Variants in GPR39 observed in about 807,000 individuals in gnomAD.
GPR39 encodes the protein zinc sensing receptor.
In GPR39, 23 loss-of-function variants were observed where a neutral mutation model predicts 18.4. The ratio of observed to expected loss-of-function variants is 1.25; its 90% CI spans 0.90 to 1.77. The LOEUF is 1.77. GPR39 is among the 40% of genes most tolerant of loss of function. The pLI is 0.00. For synonymous variants in GPR39, 280 were observed against 257.9 expected (o/e 1.09, Z -0.82); for missense variants, 647 against 602.4 (o/e 1.07, Z -0.78).
Position 132,454,158 on chromosome 2 carries a change from G to A in GPR39, c.856+36260G>A, listed in dbSNP as rs149058287. 9.6e-3 allele frequency among the ~76,000 whole-genome samples: 1,453 copies of A among 152,122 alleles called. 13 individuals carry two copies. The highest frequency in any genetic ancestry group is 0.034 in the Middle Eastern group (10 of 294). Reference sequence around the variant, plus strand: ...TGTTTGTGTCCTCTTTTATTTTGTTGAGCTGTGCTTTGTAGTTCTCCTTGA... The same window carrying A: ...TGTTTGTGTCCTCTTTTATTTTGTTAAGCTGTGCTTTGTAGTTCTCCTTGA... On this transcript the variant is annotated intron_variant, in intron 1 of 1. Coordinates refer to ENST00000329321, the MANE Select transcript of GPR39 (RefSeq NM_001508.3).
At chr2:132,436,650 A>G (rs113824970) in intron 1 of GPR39, among the ~76,000 whole-genome samples, 1,609 of 152,256 alleles carry the variant, frequency 0.011, 35 homozygotes, top group African/African-American at 0.036. Context: ...AGAGGTGGGT[A>G]GTATTTGTGA....
chr2:132,533,989 G>A (rs538253601), intron 1 of GPR39, among the ~76,000 whole-genome samples: 225 of 152,256 alleles, frequency 1.5e-3, no homozygotes, highest in Non-Finnish European at 1.5e-3. Context: ...AAAATTGACA[G>A]ATGGGATCTA....
chr2:132,421,514 A>G (rs576116338), intron 1 of GPR39, among the ~76,000 whole-genome samples: 25 of 152,186 alleles, frequency 1.6e-4, no homozygotes, highest in Non-Finnish European at 3.1e-4. Context: ...CTCTAGAATA[A>G]TTACACTCTT....
At chr2:132,624,205 C>T (rs1009801188) in intron 1 of GPR39, among the ~76,000 whole-genome samples, 3 of 152,154 alleles carry the variant, frequency 2.0e-5, no homozygotes, top group Non-Finnish European at 4.4e-5. Flanking sequence ...CCCTCTTCTC[C>T]CTGTGTCTTT....
intron 1 of GPR39, among the ~76,000 whole-genome samples, chr2:132,492,793 CATATATACCAT>C (rs1469291244): frequency 4.6e-4 from 4 of 8,632 alleles, no homozygotes; most frequent in Non-Finnish European, 6.8e-4. Flanking sequence ...ATATATATAC[CATATATACCAT>C]ATATATACAT....
chr2:132,573,178 C>T (rs1680472326), intron 1 of GPR39, among the ~76,000 whole-genome samples: 1 of 152,148 alleles, frequency 6.6e-6, no homozygotes, highest in African/African-American at 2.4e-5. Context: ...CCAGATGTTT[C>T]CACAAGTTTC....
chr2:132,492,791 AC>A, intron 1 of GPR39, among the ~76,000 whole-genome samples: 1 of 2,276 alleles, frequency 4.4e-4, no homozygotes, highest in Non-Finnish European at 8.8e-3. Flanking sequence ...CCATATATAT[AC>A]CATATATACC....
intron 1 of GPR39, among the ~76,000 whole-genome samples, chr2:132,564,308 C>G (rs916123148): frequency 2.0e-5 from 3 of 152,160 alleles, no homozygotes; most frequent in African/African-American, 4.8e-5. Context: ...CTTTGTGGCC[C>G]CTGTGGCCTT....
intron 1 of GPR39, among the ~76,000 whole-genome samples, chr2:132,601,533 G>A (rs769562237): frequency 1.3e-5 from 2 of 152,000 alleles, no homozygotes; most frequent in African/African-American, 2.4e-5. Flanking sequence ...AGACAAGGAT[G>A]CCCACTTGTA....
chr2:132,506,348 A>G (rs1316138507), intron 1 of GPR39, among the ~76,000 whole-genome samples: 1 of 151,792 alleles, frequency 6.6e-6, no homozygotes, highest in Middle Eastern at 3.2e-3. Flanking sequence ...TTTCCATTCA[A>G]CAGGTTGTCT....
At chr2:132,506,855 T>C (rs1679143725) in intron 1 of GPR39, among the ~76,000 whole-genome samples, 1 of 136,448 alleles carries the variant, frequency 7.3e-6, no homozygotes, top group African/African-American at 2.7e-5. Context: ...ACCAATGTCC[T>C]AAAGTGTTTC....
At chr2:132,491,737 A>G (rs1373221524) in intron 1 of GPR39, among the ~76,000 whole-genome samples, 1 of 151,840 alleles carries the variant, frequency 6.6e-6, no homozygotes, top group Non-Finnish European at 1.5e-5. Context: ...AAGCAGTGGT[A>G]TTGTGTGAGC....
At chr2:132,599,635 T>G (rs1361949855) in intron 1 of GPR39, among the ~76,000 whole-genome samples, 1 of 152,020 alleles carries the variant, frequency 6.6e-6, no homozygotes, top group Non-Finnish European at 1.5e-5. Context: ...ATGAATGAGT[T>G]AATTATTGAT....
intron 1 of GPR39, among the ~76,000 whole-genome samples, chr2:132,551,328 A>C (rs1405510971): frequency 6.6e-6 from 1 of 152,214 alleles, no homozygotes; most frequent in Admixed American, 6.5e-5. Flanking sequence ...TTCTGTTTAG[A>C]TCTCACTAGC....
intron 1 of GPR39, among the ~76,000 whole-genome samples, chr2:132,426,563 A>G (rs1335830635): frequency 6.6e-6 from 1 of 152,196 alleles, no homozygotes; most frequent in Non-Finnish European, 1.5e-5. Flanking sequence ...AGATGGAAAA[A>G]GTGTGTCAGG....
intron 1 of GPR39, among the ~76,000 whole-genome samples, chr2:132,631,843 G>T (rs1681655477): frequency 1.4e-5 from 2 of 144,300 alleles, no homozygotes; most frequent in Admixed American, 7.0e-5. Flanking sequence ...TTTTTTCTGA[G>T]ACTGATTCTC....
chr2:132,441,854 T>C (rs554559543), intron 1 of GPR39, among the ~76,000 whole-genome samples: 10 of 152,232 alleles, frequency 6.6e-5, no homozygotes, highest in Non-Finnish European at 1.5e-4. Flanking sequence ...CTTAATCCGC[T>C]CTTCACGCAG....
At position 132,646,150 on chromosome 2, in the gene GPR39, G is replaced by A. The variant is rs997017984; in HGVS notation, c.*544G>A. On this transcript the variant is annotated 3_prime_UTR_variant, in exon 2 of 2. Coordinates refer to ENST00000329321, the MANE Select transcript of GPR39 (RefSeq NM_001508.3). ...TTCCCCTTTTCTTGGGCCTTGGCCC[G>A]TTACAAAGAGGGGTGTTGCAGCAGC... 5.6e-6 allele frequency: 9 copies of A among 1,611,794 alleles called. No individual in the cohort carries two copies. In the East Asian group the frequency reaches 6.7e-5, roughly 12 times the overall value.
At chr2:132,626,680 G>GA (rs1681549868) in intron 1 of GPR39, among the ~76,000 whole-genome samples, 1 of 152,120 alleles carries the variant, frequency 6.6e-6, no homozygotes, top group African/African-American at 2.4e-5. Context: ...TGGGCAAAAG[G>GA]AAATGTCTGT....
Sources: gnomAD v4.1 joint callset for allele counts (sites outside exome capture counted in the v4.1 genomes callset) on GRCh38, gnomAD v4.1.1 for gene constraint, MANE v1.5 for transcripts, NCBI Gene and HGNC (gene_info 2026-07-23, HGNC 2026-07-21) for gene names.